Variants in LINGO2 observed in about 807,000 individuals in gnomAD.
LINGO2 encodes the protein leucine-rich repeat and immunoglobulin-like domain-containing nogo receptor-interacting protein 2.
A neutral mutation model predicts 30.6 loss-of-function variants in LINGO2; 14 were observed. The ratio of observed to expected loss-of-function variants is 0.46; its 90% CI spans 0.30 to 0.72. The LOEUF (loss-of-function observed/expected upper bound fraction) is 0.72. Ranked by LOEUF, LINGO2 falls within the 30% of genes least tolerant of loss-of-function variation. The pLI is 0.07. For synonymous variants in LINGO2, 317 were observed against 288.5 expected (o/e 1.10, Z -1.00); for missense variants, 729 against 751.7 (o/e 0.97, Z 0.35).
At chr9:29,072,602 G>C in the LINGO2 span, among the ~76,000 whole-genome samples, 1 of 121,642 alleles carries the variant, frequency 8.2e-6, no homozygotes, top group Non-Finnish European at 1.8e-5. Context: ...ATATATATAT[G>C]TCTCTCTTTG....
At chr9:28,062,613 AATAT>A (rs1157051612) in intron 4 of LINGO2, among the ~76,000 whole-genome samples, 45 of 147,050 alleles carry the variant, frequency 3.1e-4, no homozygotes, top group African/African-American at 1.1e-3. Context: ...TACAAAATCA[AATAT>A]ATATATTTTG....
the LINGO2 span, among the ~76,000 whole-genome samples, chr9:29,010,234 G>A: frequency 3.3e-5 from 5 of 152,186 alleles, no homozygotes; most frequent in Non-Finnish European, 5.9e-5. Flanking sequence ...TACCGTCAGA[G>A]TGAACTGGCA....
At chr9:29,048,489 C>T in the LINGO2 span, among the ~76,000 whole-genome samples, 1 of 151,904 alleles carries the variant, frequency 6.6e-6, no homozygotes, top group East Asian at 1.9e-4. Flanking sequence ...TTTATATGGA[C>T]CACAGAAGAC....
chr9:27,953,518 C>T (rs1326608536), intron 5 of LINGO2, among the ~76,000 whole-genome samples: 5 of 151,960 alleles, frequency 3.3e-5, no homozygotes, highest in East Asian at 1.9e-4. Flanking sequence ...ATAATCCCCA[C>T]ATGTTGTGGG....
chr9:28,645,698 G>T (rs1025649220), intron 1 of LINGO2, among the ~76,000 whole-genome samples: 7 of 152,024 alleles, frequency 4.6e-5, no homozygotes, highest in Admixed American at 1.3e-4. Context: ...TGCTGTTGAG[G>T]TTTCCATTTT....
At chr9:29,096,145 T>TA in the LINGO2 span, among the ~76,000 whole-genome samples, 2 of 138,568 alleles carry the variant, frequency 1.4e-5, 1 homozygote, top group Non-Finnish European at 3.1e-5. Context: ...AGACAGCATT[T>TA]AAAAAAACAA....
At chr9:28,692,417 A>G in the LINGO2 span, among the ~76,000 whole-genome samples, 145 of 152,180 alleles carry the variant, frequency 9.5e-4, no homozygotes, top group African/African-American at 3.2e-3. Flanking sequence ...GGAGGTTGCA[A>G]TGAGCCAAGA....
chr9:28,775,138 G>A, the LINGO2 span, among the ~76,000 whole-genome samples: 41 of 152,284 alleles, frequency 2.7e-4, 1 homozygote, highest in East Asian at 7.3e-3. Context: ...TTGTGCCTTA[G>A]AGGAGAAGCT....
At chr9:29,013,918 T>C in the LINGO2 span, among the ~76,000 whole-genome samples, 2 of 152,122 alleles carry the variant, frequency 1.3e-5, no homozygotes, top group Non-Finnish European at 1.5e-5. Flanking sequence ...CATTCTCTTA[T>C]TAACTCTCCT....
intron 4 of LINGO2, among the ~76,000 whole-genome samples, chr9:28,051,818 C>T (rs1257669406): frequency 6.6e-6 from 1 of 151,952 alleles, no homozygotes; most frequent in Non-Finnish European, 1.5e-5. Context: ...AGAAGGAACA[C>T]CTCTCAAAAT....
At chr9:28,068,546 C>T (rs1039278977) in intron 4 of LINGO2, among the ~76,000 whole-genome samples, 1 of 152,198 alleles carries the variant, frequency 6.6e-6, no homozygotes, top group African/African-American at 2.4e-5. Context: ...TAGTCTACAA[C>T]ATATTCATTC....
At chr9:28,738,514 G>A in the LINGO2 span, among the ~76,000 whole-genome samples, 923 of 151,768 alleles carry the variant, frequency 6.1e-3, 3 homozygotes, top group Non-Finnish European at 1.0e-2. Flanking sequence ...ATTCAGAACC[G>A]TTTGATTAAA....
At chr9:28,828,174 C>A in the LINGO2 span, among the ~76,000 whole-genome samples, 38 of 151,870 alleles carry the variant, frequency 2.5e-4, no homozygotes, top group Middle Eastern at 3.4e-3. Flanking sequence ...CACTTATGAA[C>A]ATAAATGTTA....
At chr9:28,178,495 T>G (rs894583597) in intron 4 of LINGO2, among the ~76,000 whole-genome samples, 7 of 152,084 alleles carry the variant, frequency 4.6e-5, no homozygotes, top group African/African-American at 1.7e-4. Context: ...AGACTTTTGG[T>G]TTTAGAATGC....
At chr9:28,020,142 G>C (rs761790354) in intron 4 of LINGO2, among the ~76,000 whole-genome samples, 4 of 152,142 alleles carry the variant, frequency 2.6e-5, no homozygotes, top group Admixed American at 2.6e-4. Flanking sequence ...TTAACATTTA[G>C]CACACAGCAT....
the LINGO2 span, among the ~76,000 whole-genome samples, chr9:28,829,654 G>C: frequency 6.6e-6 from 1 of 152,150 alleles, no homozygotes; most frequent in Non-Finnish European, 1.5e-5. Flanking sequence ...TTGGGAGGCC[G>C]AGGTGGGCAG....
chr9:28,492,189 C>A (rs1336115417), intron 1 of LINGO2, among the ~76,000 whole-genome samples: 13 of 152,174 alleles, frequency 8.5e-5, no homozygotes, highest in Admixed American at 8.5e-4. Context: ...GAACTAAATT[C>A]CATTCGGTGT....
At chr9:28,573,923 A>C (rs1297922286) in intron 1 of LINGO2, among the ~76,000 whole-genome samples, 2 of 152,214 alleles carry the variant, frequency 1.3e-5, no homozygotes. Flanking sequence ...AGAAAAACTA[A>C]GAAAAAAGAT....
chr9:29,077,894 C>T, the LINGO2 span, among the ~76,000 whole-genome samples: 2 of 151,846 alleles, frequency 1.3e-5, no homozygotes, highest in Non-Finnish European at 2.9e-5. Flanking sequence ...AGAAAAGCAG[C>T]ATCTATCAGA....
Sources: gnomAD v4.1 joint callset for allele counts (sites outside exome capture counted in the v4.1 genomes callset) on GRCh38, gnomAD v4.1.1 for gene constraint, MANE v1.5 for transcripts, NCBI Gene and HGNC (gene_info 2026-07-23, HGNC 2026-07-21) for gene names.